SH3RF3: variants seen among roughly 807,000 people sequenced by gnomAD.
SH3RF3 encodes SH3 domain containing ring finger 3.
Under a neutral mutation model 66.3 loss-of-function variants are expected in SH3RF3, and 29 were observed. That is an observed-to-expected ratio of 0.44 (90% CI 0.33 to 0.60). SH3RF3 has a LOEUF of 0.60. Ranked by LOEUF, SH3RF3 falls within the 20% of genes least tolerant of loss-of-function variation. The pLI, the probability that SH3RF3 is intolerant of heterozygous loss-of-function variation, is 0.04. For missense variants in SH3RF3, 1,194 were observed against 1,190.9 expected (o/e 1.00, Z -0.04); for synonymous variants, 583 against 532.0 (o/e 1.10, Z -1.32).
chr2:109,499,861 G>T (rs904407839), intron 9 of SH3RF3, among the ~76,000 whole-genome samples: 1 of 152,196 alleles, frequency 6.6e-6, no homozygotes, highest in Non-Finnish European at 1.5e-5. Context: ...ACTGACATTT[G>T]CAATGGGGAA....
intron 4 of SH3RF3, among the ~76,000 whole-genome samples, chr2:109,410,822 C>G (rs1410484647): frequency 6.7e-6 from 1 of 149,948 alleles, no homozygotes; most frequent in Non-Finnish European, 1.5e-5. Flanking sequence ...GGAGACAGGG[C>G]TGCACTTGGC....
intron 1 of SH3RF3, among the ~76,000 whole-genome samples, chr2:109,272,810 C>T (rs764983416): frequency 8.5e-5 from 13 of 152,188 alleles, no homozygotes; most frequent in Non-Finnish European, 1.6e-4. Flanking sequence ...CTGCCGCACA[C>T]GCAGGACGTC....
intron 1 of SH3RF3, among the ~76,000 whole-genome samples, chr2:109,176,598 GT>G (rs774368393): frequency 4.1e-4 from 63 of 152,274 alleles, no homozygotes; most frequent in Non-Finnish European, 7.6e-4. Context: ...TTAGCCAGGT[GT>G]GGTGGCACAT....
chr2:109,299,378 GTGTT>G (rs1681401304), intron 1 of SH3RF3, among the ~76,000 whole-genome samples: 1 of 151,690 alleles, frequency 6.6e-6, no homozygotes, highest in African/African-American at 2.4e-5. Context: ...ATTCCAGAAA[GTGTT>G]TGGCACATCA....
chr2:109,129,395 C>A lies in SH3RF3; in HGVS notation c.-146C>A. 2 of 1,362,252 alleles carry A rather than the reference C, an allele frequency of 1.5e-6. No individual in the cohort carries two copies. Among genetic ancestry groups the A allele is most frequent in the Non-Finnish European group, 2.0e-6 (2 of 1,008,876 alleles). 84.4% of individuals were successfully genotyped at this position (1,362,252 alleles called of 1,614,324 possible). A position where few individuals can be genotyped will look rare whatever the true frequency, so the allele number is the denominator to read the frequency against. On this transcript the variant is annotated 5_prime_UTR_variant, in exon 1 of 10. Transcript: ENST00000309415. ...GTCGGTGAGCCACTTCGCACCGCCA[C>A]AGCCCTAGCATCGGGCCACCAGCCG...
chr2:109,223,005 T>C (rs544252716), intron 1 of SH3RF3, among the ~76,000 whole-genome samples: 3 of 152,266 alleles, frequency 2.0e-5, no homozygotes, highest in African/African-American at 7.2e-5. Flanking sequence ...CCCTTCAGGG[T>C]GAAGAGGGCA....
At chr2:109,302,691 T>C (rs1681499702) in intron 1 of SH3RF3, among the ~76,000 whole-genome samples, 1 of 152,216 alleles carries the variant, frequency 6.6e-6, no homozygotes, top group African/African-American at 2.4e-5. Context: ...AGTCCTGCCA[T>C]TGGAAGTGAT....
intron 1 of SH3RF3, among the ~76,000 whole-genome samples, chr2:109,339,592 G>T (rs1574582934): frequency 6.6e-6 from 1 of 152,200 alleles, no homozygotes; most frequent in African/African-American, 2.4e-5. Context: ...GGGTGCCTGG[G>T]TGGGGCTGCA....
chr2:109,129,529 G>A lies in SH3RF3; in HGVS notation c.-12G>A. The A allele has an allele frequency of 1.3e-6, 2 of 1,497,120 alleles. No individual in the cohort carries two copies. The highest frequency in any genetic ancestry group is 1.2e-5 in the South Asian group (1 of 80,436). The allele number at this position is 1,497,120 out of a possible 1,614,324, so 92.7% of individuals were successfully genotyped here. Reference sequence around the variant, plus strand: ...TAGGCAGCCGCGCGAGACCGCTGCGGGCGCCTCCCCCATGCTGCTCGGAGC... The same window carrying A: ...TAGGCAGCCGCGCGAGACCGCTGCGAGCGCCTCCCCCATGCTGCTCGGAGC... On this transcript the variant is annotated 5_prime_UTR_variant, in exon 1 of 10. Coordinates refer to ENST00000309415, the MANE Select transcript of SH3RF3 (RefSeq NM_001099289.3).
At chr2:109,348,817 T>A (rs933333155) in intron 2 of SH3RF3, among the ~76,000 whole-genome samples, 5 of 152,086 alleles carry the variant, frequency 3.3e-5, no homozygotes. Context: ...CTGCTGCACC[T>A]GCTCCCCGCC....
chr2:109,393,800 C>T (rs1676066591), intron 3 of SH3RF3, among the ~76,000 whole-genome samples: 1 of 152,022 alleles, frequency 6.6e-6, no homozygotes, highest in Non-Finnish European at 1.5e-5. Flanking sequence ...TGAAGCTGGG[C>T]ACCTCCCACA....
chr2:109,136,863 T>A (rs1475424731), intron 1 of SH3RF3, among the ~76,000 whole-genome samples: 1 of 152,180 alleles, frequency 6.6e-6, no homozygotes, highest in African/African-American at 2.4e-5. Flanking sequence ...GTAAATGTGC[T>A]GCAGCCGGGC....
intron 1 of SH3RF3, among the ~76,000 whole-genome samples, chr2:109,216,026 A>G (rs370289829): frequency 1.1e-4 from 16 of 152,250 alleles, no homozygotes; most frequent in Non-Finnish European, 1.6e-4. Context: ...GCACCCATTC[A>G]TGGGGGAGCT....
chr2:109,342,140 G>A (rs1682568766), intron 1 of SH3RF3, among the ~76,000 whole-genome samples: 1 of 152,184 alleles, frequency 6.6e-6, no homozygotes, highest in Admixed American at 6.5e-5. Flanking sequence ...CTATAACTCT[G>A]GGCCTTTGCA....
intron 4 of SH3RF3, among the ~76,000 whole-genome samples, chr2:109,407,457 A>G (rs1007081398): frequency 1.3e-5 from 2 of 152,116 alleles, no homozygotes; most frequent in African/African-American, 4.8e-5. Context: ...GCTGGGTCTT[A>G]TTATCTCTGC....
intron 3 of SH3RF3, among the ~76,000 whole-genome samples, chr2:109,388,949 C>A (rs1208731850): frequency 6.6e-6 from 1 of 152,152 alleles, no homozygotes; most frequent in South Asian, 2.1e-4. Context: ...ATGAGGGCTG[C>A]AGTGTGCAGC....
intron 1 of SH3RF3, among the ~76,000 whole-genome samples, chr2:109,131,093 T>C (rs1223056578): frequency 6.6e-6 from 1 of 152,172 alleles, no homozygotes; most frequent in Non-Finnish European, 1.5e-5. Flanking sequence ...ATTTAAGGAG[T>C]TGGTGATGCC....
intron 2 of SH3RF3, among the ~76,000 whole-genome samples, chr2:109,357,733 G>A (rs1408024559): frequency 6.6e-6 from 1 of 152,120 alleles, no homozygotes; most frequent in East Asian, 1.9e-4. Flanking sequence ...TTGCTCTGTG[G>A]TGCTATTTTA....
Position 109,342,134 on chromosome 2 carries a change from A to G in SH3RF3, c.574-5540A>G, listed in dbSNP as rs1370595778. Among the ~76,000 whole-genome samples the G allele has an allele frequency of 2.6e-5, 4 of 152,146 alleles. No homozygotes were observed. The South Asian group carries it at 8.3e-4, about 32-fold the overall frequency. On this transcript the variant is annotated intron_variant, in intron 1 of 9. Coordinates refer to ENST00000309415, the MANE Select transcript of SH3RF3 (RefSeq NM_001099289.3). ...GTGGGCAGACTCTGTGTCCATCTAT[A>G]ACTCTGGGCCTTTGCATGGGCTGAG...
Sources: allele counts gnomAD v4.1 joint callset (sites outside exome capture counted in the v4.1 genomes callset), GRCh38; gene constraint gnomAD v4.1.1; transcripts MANE v1.5; gene names NCBI Gene and HGNC (gene_info 2026-07-23, HGNC 2026-07-21).